The following MAP3K20 variants were observed in gnomAD, a reference collection of about 807,000 sequenced individuals.
MAP3K20 encodes mitogen-activated protein kinase kinase kinase 20.
In MAP3K20, 40 loss-of-function variants were observed where a neutral mutation model predicts 85.7. The observed-to-expected ratio is 0.47, with a 90% CI of 0.36 to 0.61. MAP3K20 has a LOEUF of 0.61. Among genes scored for constraint, MAP3K20 ranks in the 20% least tolerant of loss-of-function variants. MAP3K20 has a pLI of 0.00. For missense variants in MAP3K20, 817 were observed against 961.7 expected, an observed-to-expected ratio of 0.85 and a Z score of 1.99; for synonymous variants, 325 against 327.7, an observed-to-expected ratio of 0.99 and a Z score of 0.09.
chr2:173,199,662 G>GTT (rs71018542), intron 8 of MAP3K20, among the ~76,000 whole-genome samples: 1,376 of 130,564 alleles, frequency 0.011, 18 homozygotes, highest in African/African-American at 0.032. Flanking sequence ...GAGAAAGGTT[G>GTT]TTTTTTTTTT....
intron 2 of MAP3K20, among the ~76,000 whole-genome samples, chr2:173,154,518 A>G (rs923350334): frequency 1.3e-5 from 2 of 152,142 alleles, no homozygotes; most frequent in Non-Finnish European, 2.9e-5. Flanking sequence ...GACACTGTCC[A>G]TTACCTCCCA....
At chr2:173,236,598 C>A (rs1684657511) in intron 14 of MAP3K20, among the ~76,000 whole-genome samples, 1 of 152,076 alleles carries the variant, frequency 6.6e-6, no homozygotes, top group African/African-American at 2.4e-5. Context: ...GAATGCGGAC[C>A]CCTCCCCCTT....
intron 16 of MAP3K20, among the ~76,000 whole-genome samples, chr2:173,247,874 C>T (rs73974112): frequency 4.9e-4 from 75 of 151,910 alleles, no homozygotes; most frequent in South Asian, 2.1e-4. Flanking sequence ...TTCCCAGACA[C>T]GGCTTTACTG....
rs200743663 is a variant in MAP3K20, at chr2:173,266,467, G to A, written c.2120G>A (p.Arg707Lys). 3.1e-6 allele frequency: 5 copies of A among 1,614,138 alleles called. No individual in the cohort carries two copies. The highest frequency in any genetic ancestry group is 2.2e-5 in the East Asian group (1 of 44,872). ...SGKSQHSTPSRGRYPGKFYRV... is the reference protein window; with the variant it reads ...SGKSQHSTPSKGRYPGKFYRV... ...AAGAGTCAGCATTCCACTCCTTCAA[G>A]AGGAAGATACCCTGGAAAGTTCTAC... Residue 707 changes from arginine to lysine, a missense_variant, in exon 20 of 20, where the codon AGA (arginine) becomes AAA (lysine). Transcript: ENST00000375213.
At chr2:173,150,163 A>G (rs1427770241) in intron 2 of MAP3K20, among the ~76,000 whole-genome samples, 1 of 152,250 alleles carries the variant, frequency 6.6e-6, no homozygotes, top group Non-Finnish European at 1.5e-5. Context: ...GCCAGATTCC[A>G]TATCCTGTAA....
At chr2:173,152,038 G>T (rs1689322437) in intron 2 of MAP3K20, among the ~76,000 whole-genome samples, 1 of 152,104 alleles carries the variant, frequency 6.6e-6, no homozygotes, top group South Asian at 2.1e-4. Context: ...TCTTAACAGG[G>T]TCTATACTCT....
chr2:173,194,455 A>G (rs1019539857), intron 7 of MAP3K20, among the ~76,000 whole-genome samples: 1 of 152,124 alleles, frequency 6.6e-6, no homozygotes, highest in Admixed American at 6.5e-5. Flanking sequence ...TAATGAAGAA[A>G]GCATTATGTG....
chr2:173,185,172 C>T (rs748524804), intron 4 of MAP3K20, among the ~76,000 whole-genome samples: 1 of 151,956 alleles, frequency 6.6e-6, no homozygotes, highest in Non-Finnish European at 1.5e-5. Context: ...ACCTGGGAGG[C>T]GGAGGTTGCG....
rs573626928 is a variant in MAP3K20, at chr2:173,192,423, T to C, written c.582+1246T>C. ...ATTTTGTTAGCTATTGAAAAAATCATTTCAAGAATGAAATATGTTTTTGAC... is the reference window on the plus strand; with the variant it reads ...ATTTTGTTAGCTATTGAAAAAATCACTTCAAGAATGAAATATGTTTTTGAC... On this transcript the variant is annotated intron_variant, in intron 7 of 19. Transcript: ENST00000375213. Among the ~76,000 whole-genome samples, 5 of 152,324 alleles carry C rather than the reference T, an allele frequency of 3.3e-5. No homozygotes were observed. The East Asian group carries it at 9.6e-4, about 29-fold the overall frequency.
chr2:173,232,507 T>C lies in MAP3K20; in HGVS notation c.1203+48T>C. On this transcript the variant is annotated intron_variant, in intron 14 of 19. Transcript: ENST00000375213. ...TCCATCAGCAAACCCTTTTTTTGTTTGTTTGGTTTTTTTTGAGGCAGAGTC... is the reference window on the plus strand; with the variant it reads ...TCCATCAGCAAACCCTTTTTTTGTTCGTTTGGTTTTTTTTGAGGCAGAGTC... The C allele has an allele frequency of 1.9e-6, 3 of 1,597,856 alleles. No individual in the cohort carries two copies. In the East Asian group the frequency reaches 6.7e-5, roughly 36 times the overall value.
chr2:173,105,515 C>CT lies in MAP3K20; in HGVS notation c.159+14327dup, dbSNP rs561287049. On this transcript the variant is annotated intron_variant, in intron 2 of 19. Transcript: ENST00000375213. Reference sequence around the variant, plus strand: ...TACAATGCAATAAAAATATGAAATACTTGGAAGCAACCTAAATGTCCATCA... The same window carrying CT: ...TACAATGCAATAAAAATATGAAATACTTTGGAAGCAACCTAAATGTCCATCA... Among the ~76,000 whole-genome samples, 30 of 152,280 alleles carry CT rather than the reference C, an allele frequency of 2.0e-4. No individual in the cohort carries two copies. The East Asian group carries it at 5.4e-3, about 27-fold the overall frequency.
chr2:173,117,983 C>G (rs191299869), intron 2 of MAP3K20, among the ~76,000 whole-genome samples: 4 of 152,318 alleles, frequency 2.6e-5, no homozygotes, highest in Admixed American at 2.6e-4. Context: ...GTGTCTAAAT[C>G]TCTGGTATGG....
At chr2:173,174,953 A>G (rs1181763740) in intron 3 of MAP3K20, among the ~76,000 whole-genome samples, 1 of 152,182 alleles carries the variant, frequency 6.6e-6, no homozygotes, top group East Asian at 1.9e-4. Flanking sequence ...CCCATATGCT[A>G]TATTTGTAGT....
At chr2:173,186,463 G>T (rs1690487970) in intron 4 of MAP3K20, among the ~76,000 whole-genome samples, 1 of 152,076 alleles carries the variant, frequency 6.6e-6, no homozygotes, top group African/African-American at 2.4e-5. Context: ...TGACTCTTCA[G>T]TGATATCATT....
chr2:173,101,445 G>A (rs1317048083), intron 2 of MAP3K20, among the ~76,000 whole-genome samples: 15 of 152,064 alleles, frequency 9.9e-5, no homozygotes, highest in Admixed American at 9.8e-4. Context: ...TCAGCATATT[G>A]AGCAATAAAC....
chr2:173,265,498 CA>C (rs1311791348), intron 19 of MAP3K20, among the ~76,000 whole-genome samples: 2 of 152,212 alleles, frequency 1.3e-5, no homozygotes, highest in Admixed American at 1.3e-4. Flanking sequence ...GTCTTTCTTC[CA>C]AACAATCTCT....
intron 2 of MAP3K20, among the ~76,000 whole-genome samples, chr2:173,142,738 C>T (rs1428668912): frequency 1.3e-5 from 2 of 151,920 alleles, no homozygotes; most frequent in African/African-American, 4.8e-5. Flanking sequence ...AACAGGGGAA[C>T]AAAAAACAAA....
At chr2:173,152,678 T>G (rs1355683038) in intron 2 of MAP3K20, among the ~76,000 whole-genome samples, 1 of 152,098 alleles carries the variant, frequency 6.6e-6, no homozygotes, top group African/African-American at 2.4e-5. Flanking sequence ...GAATTTGGGG[T>G]GAGACGGTAT....
chr2:173,154,237 G>A (rs1689390654), intron 2 of MAP3K20, among the ~76,000 whole-genome samples: 1 of 152,190 alleles, frequency 6.6e-6, no homozygotes, highest in Non-Finnish European at 1.5e-5. Context: ...AGGCTGAAGT[G>A]CAGTGGCATG....
Sources: allele counts gnomAD v4.1 joint callset (sites outside exome capture counted in the v4.1 genomes callset), GRCh38; gene constraint gnomAD v4.1.1; transcripts MANE v1.5; gene names NCBI Gene and HGNC (gene_info 2026-07-23, HGNC 2026-07-21).